AP3B1: variants seen among roughly 807,000 people sequenced by gnomAD.
The protein encoded by AP3B1 is adaptor related protein complex 3 subunit beta 1.
AP3B1 carries 61 observed loss-of-function variants against 132.5 expected under a neutral mutation model. That is an observed-to-expected ratio of 0.46 (90% CI 0.37 to 0.57). The LOEUF is 0.57. AP3B1 is among the 20% of genes least tolerant of loss of function. The probability of loss-of-function intolerance (pLI) is 0.00; values close to 1 mark genes in which losing one functional copy is unlikely to be tolerated. For synonymous variants in AP3B1, 388 were observed against 438.3 expected (o/e 0.89, Z 1.43); for missense variants, 1,120 against 1,289.4 (o/e 0.87, Z 2.01).
At chr5:78,166,117 TCACACACACACACA>T (rs70997970) in intron 11 of AP3B1, among the ~76,000 whole-genome samples, 35,341 of 135,708 alleles carry the variant, frequency 0.26, 4,689 homozygotes, top group African/African-American at 0.3. Context: ...TGAAACTCTG[TCACACACACACACA>T]CACACACACA....
At chr5:78,133,498 T>G (rs943010543) in intron 15 of AP3B1, among the ~76,000 whole-genome samples, 4 of 152,164 alleles carry the variant, frequency 2.6e-5, no homozygotes, top group African/African-American at 9.7e-5. Context: ...GTGATATTAC[T>G]TCATTAAAAA....
At chr5:78,127,239 A>G (rs1244845087) in intron 17 of AP3B1, among the ~76,000 whole-genome samples, 1 of 152,196 alleles carries the variant, frequency 6.6e-6, no homozygotes, top group East Asian at 1.9e-4. Flanking sequence ...CAGTTATCTG[A>G]ATCCTAATTC....
chr5:78,193,685 C>A (rs1170539196), intron 7 of AP3B1, among the ~76,000 whole-genome samples: 1 of 138,350 alleles, frequency 7.2e-6, no homozygotes, highest in Non-Finnish European at 1.6e-5. Context: ...TATATATTTA[C>A]ATATATATTT....
chr5:78,143,118 T>C (rs111306263), intron 14 of AP3B1, among the ~76,000 whole-genome samples: 2,310 of 152,168 alleles, frequency 0.015, 68 homozygotes, highest in African/African-American at 0.053. Flanking sequence ...ATATTGCTAG[T>C]ATAAAAATCA....
chr5:78,097,703 G>A (rs1346800893), intron 21 of AP3B1, among the ~76,000 whole-genome samples: 3 of 151,648 alleles, frequency 2.0e-5, no homozygotes, highest in African/African-American at 7.3e-5. Context: ...AGGAGGTGAG[G>A]GGCGCCTCTG....
chr5:78,142,710 A>G (rs1266961364), intron 14 of AP3B1, among the ~76,000 whole-genome samples: 1 of 152,196 alleles, frequency 6.6e-6, no homozygotes, highest in Admixed American at 6.5e-5. Context: ...AAAAAGGTAT[A>G]TATTTTAAAA....
chr5:78,096,209 C>T (rs374095546), intron 21 of AP3B1, among the ~76,000 whole-genome samples: 2 of 152,238 alleles, frequency 1.3e-5, no homozygotes, highest in South Asian at 2.1e-4. Context: ...GACGGGGTTT[C>T]GCTGTGTTGG....
chr5:78,292,099 CT>C (rs1017034780), intron 1 of AP3B1, among the ~76,000 whole-genome samples: 2 of 151,772 alleles, frequency 1.3e-5, no homozygotes, highest in Admixed American at 6.6e-5. Context: ...ATTGTTGCAA[CT>C]TTTTTGTAAA....
At chr5:78,019,745 G>C (rs1352252748) in intron 25 of AP3B1, among the ~76,000 whole-genome samples, 2 of 152,080 alleles carry the variant, frequency 1.3e-5, no homozygotes, top group Admixed American at 1.3e-4. Context: ...CAAAGGCTTA[G>C]AGTAAAAACA....
In AP3B1 at chr5:78,253,957, CAA is replaced by C. The variant is rs35713067; in HGVS notation, c.205-13023_205-13022del. On this transcript the variant is annotated intron_variant, in intron 2 of 26. Transcript: ENST00000255194. ...TGGGCGACAGAGCAAGACTCCACCT[CAA>C]AAAAAAAAAAAAAAGAATTCTATCA... 3.8e-3 allele frequency among the ~76,000 whole-genome samples: 360 copies of C among 93,830 alleles called. 1 individual carries two copies. Among genetic ancestry groups the C allele is most frequent in the African/African-American group, 0.011 (243 of 22,146 alleles). 61.6% of individuals were successfully genotyped at this position (93,830 alleles called of 152,430 possible).
At chr5:78,234,205 T>C (rs1479522465) in intron 3 of AP3B1, among the ~76,000 whole-genome samples, 1 of 152,168 alleles carries the variant, frequency 6.6e-6, no homozygotes, top group East Asian at 1.9e-4. Context: ...TACACTTTCT[T>C]GGTTTAAATT....
chr5:78,092,739 C>T (rs1390161411), intron 21 of AP3B1, among the ~76,000 whole-genome samples: 1 of 152,052 alleles, frequency 6.6e-6, no homozygotes, highest in Non-Finnish European at 1.5e-5. Flanking sequence ...CCTTGAATTT[C>T]TGGACTCAAG....
At chr5:78,284,265 T>C (rs10074131) in intron 1 of AP3B1, among the ~76,000 whole-genome samples, 32,732 of 152,012 alleles carry the variant, frequency 0.22, 4,331 homozygotes, top group Middle Eastern at 0.31. Flanking sequence ...CCTAGGTATA[T>C]GCTATTCTGT....
intron 14 of AP3B1, among the ~76,000 whole-genome samples, chr5:78,151,569 G>A (rs976083848): frequency 7.9e-5 from 12 of 152,032 alleles, no homozygotes; most frequent in African/African-American, 2.4e-4. Flanking sequence ...AGGAAAGGAC[G>A]CTGAATTTTA....
At chr5:78,220,358 T>C (rs562426905) in intron 6 of AP3B1, among the ~76,000 whole-genome samples, 50 of 150,016 alleles carry the variant, frequency 3.3e-4, no homozygotes, top group African/African-American at 1.1e-3. Context: ...GCTTTAAGCC[T>C]AACTTCAAAA....
At chr5:78,092,959 AT>A (rs2112210473) in intron 21 of AP3B1, among the ~76,000 whole-genome samples, 1 of 152,334 alleles carries the variant, frequency 6.6e-6, no homozygotes, top group African/African-American at 2.4e-5. Context: ...CTAAAAGGCA[AT>A]TTTGGACAAA....
chr5:78,262,118 G>T (rs1013676644), intron 2 of AP3B1, among the ~76,000 whole-genome samples: 1 of 152,030 alleles, frequency 6.6e-6, no homozygotes, highest in Admixed American at 6.5e-5. Flanking sequence ...TATATATTCT[G>T]GATATCAATC....
At chr5:78,177,479 A>T (rs774223648) in intron 8 of AP3B1, 43 bp from the exon 9 acceptor site, 1 of 1,380,020 alleles carries the variant, frequency 7.2e-7, no homozygotes. Context: ...TGAACACTAG[A>T]GCACTCTACA....
chr5:78,091,277 C>CAAAAAAAAA (rs748473899), intron 21 of AP3B1, among the ~76,000 whole-genome samples: 1 of 79,514 alleles, frequency 1.3e-5, no homozygotes. Flanking sequence ...ATGTATTTGA[C>CAAAAAAAAA]AAAAAAAAAA....
Sources: allele counts gnomAD v4.1 joint callset (sites outside exome capture counted in the v4.1 genomes callset), GRCh38; gene constraint gnomAD v4.1.1; transcripts MANE v1.5; gene names NCBI Gene and HGNC (gene_info 2026-07-23, HGNC 2026-07-21).